The following KLF8 variants were observed in gnomAD, a reference collection of about 807,000 sequenced individuals.
KLF8 encodes the protein KLF transcription factor 8.
KLF8 carries 10 observed loss-of-function variants against 18.2 expected under a neutral mutation model. The ratio of observed to expected loss-of-function variants is 0.55; its 90% confidence interval spans 0.34 to 0.93. KLF8 has a LOEUF of 0.93. Among genes scored for constraint, KLF8 ranks in the 40% least tolerant of loss-of-function variants. The pLI is 0.02. For missense variants in KLF8, 264 were observed against 277.9 expected, an observed-to-expected ratio of 0.95 and a Z score of 0.36; for synonymous variants, 109 against 97.3, an observed-to-expected ratio of 1.12 and a Z score of -0.71.
chrX:55,954,729 C>A, the KLF8 span, among the ~76,000 whole-genome samples: 1 of 111,721 alleles, frequency 9.0e-6, no homozygotes, highest in Non-Finnish European at 1.9e-5. Context: ...AAAATATTTA[C>A]ATGTGAATGT....
At chrX:55,960,325 T>C in the KLF8 span, among the ~76,000 whole-genome samples, 2 of 111,260 alleles carry the variant, frequency 1.8e-5, no homozygotes, top group African/African-American at 6.5e-5. Context: ...AAAACCAGCC[T>C]GACCAACATG....
rs2067317802 is a variant in KLF8, at chrX:56,291,042, G to A, written c.*6548G>A. On this transcript the variant is annotated 3_prime_UTR_variant, in exon 6 of 6. Coordinates refer to ENST00000468660, the MANE Select transcript of KLF8 (RefSeq NM_007250.5). ...TAAAAGGGGAAGAGAGTTCCTAGTGGTGTCCATCCCTGTTTTTTGACAGGC... is the reference window on the plus strand; with the variant it reads ...TAAAAGGGGAAGAGAGTTCCTAGTGATGTCCATCCCTGTTTTTTGACAGGC... 1.8e-5 allele frequency among the ~76,000 whole-genome samples: 2 copies of A among 111,438 alleles called. No homozygotes were observed. The highest frequency in any genetic ancestry group is 1.9e-4 in the Admixed American group (2 of 10,444).
At chrX:56,258,815 G>A (rs1230004500) in intron 2 of KLF8, among the ~76,000 whole-genome samples, 2 of 111,453 alleles carry the variant, frequency 1.8e-5, no homozygotes, top group Non-Finnish European at 3.8e-5. Context: ...CAGCACACTG[G>A]CCATGTCTCA....
intron 1 of KLF8, among the ~76,000 whole-genome samples, chrX:56,248,547 T>A (rs1397807827): frequency 9.0e-6 from 1 of 111,579 alleles, no homozygotes; most frequent in Non-Finnish European, 1.9e-5. Context: ...CAGATTGGAG[T>A]TGGCTGTCTT....
At chrX:55,946,652 C>G in the KLF8 span, among the ~76,000 whole-genome samples, 1 of 111,382 alleles carries the variant, frequency 9.0e-6, no homozygotes, top group Non-Finnish European at 1.9e-5. Context: ...TGATTAAACT[C>G]AAGAGCTTCT....
chrX:55,972,562 A>G, the KLF8 span, among the ~76,000 whole-genome samples: 1 of 111,432 alleles, frequency 9.0e-6, no homozygotes, highest in South Asian at 3.7e-4. Flanking sequence ...CAGAGGATAA[A>G]TGCTTGAGGT....
chrX:56,028,672 G>T, the KLF8 span, among the ~76,000 whole-genome samples: 2 of 111,404 alleles, frequency 1.8e-5, no homozygotes, highest in African/African-American at 6.6e-5. Flanking sequence ...GATGATGCGG[G>T]AATTTTTGAA....
intron 5 of KLF8, among the ~76,000 whole-genome samples, chrX:56,276,357 G>A (rs1467360325): frequency 9.0e-6 from 1 of 111,597 alleles, no homozygotes; most frequent in African/African-American, 3.3e-5. Context: ...TGTACCTTCA[G>A]ATGATTTCTT....
At chrX:56,195,926 C>A in the KLF8 span, among the ~76,000 whole-genome samples, 2 of 111,783 alleles carry the variant, frequency 1.8e-5, no homozygotes, top group Non-Finnish European at 1.9e-5. Context: ...GGGGCCAACA[C>A]TCAACATTCT....
chrX:56,054,388 G>T, the KLF8 span, among the ~76,000 whole-genome samples: 1 of 111,379 alleles, frequency 9.0e-6, no homozygotes, highest in Admixed American at 9.6e-5. Context: ...TCATATAATT[G>T]TATGGTTTTG....
the KLF8 span, among the ~76,000 whole-genome samples, chrX:56,153,223 T>C: frequency 9.0e-6 from 1 of 110,873 alleles, no homozygotes. Context: ...TACCTGGGCA[T>C]GGAGGTGCAT....
At chrX:55,933,173 C>T in the KLF8 span, among the ~76,000 whole-genome samples, 5 of 111,478 alleles carry the variant, frequency 4.5e-5, no homozygotes, top group African/African-American at 1.6e-4. Flanking sequence ...GCTTTTCATA[C>T]TTTAATGTAC....
chrX:56,017,742 TAAA>T, the KLF8 span, among the ~76,000 whole-genome samples: 1 of 111,727 alleles, frequency 9.0e-6, no homozygotes, highest in East Asian at 2.8e-4. Context: ...TAGTTAAAGA[TAAA>T]AGAAGGATTT....
At chrX:56,248,005 CAT>C (rs1273917792) in intron 1 of KLF8, among the ~76,000 whole-genome samples, 5 of 111,291 alleles carry the variant, frequency 4.5e-5, no homozygotes, top group Non-Finnish European at 9.4e-5. Context: ...ACCACAAATA[CAT>C]GAGTAATGCT....
chrX:56,169,897 G>A, the KLF8 span, among the ~76,000 whole-genome samples: 1 of 111,369 alleles, frequency 9.0e-6, no homozygotes, highest in South Asian at 3.8e-4. Context: ...ACCCAGTGTT[G>A]TACTGACTTA....
chrX:55,941,607 T>C, the KLF8 span, among the ~76,000 whole-genome samples: 1 of 111,373 alleles, frequency 9.0e-6, no homozygotes, highest in Non-Finnish European at 1.9e-5. Flanking sequence ...GAGAAAACTT[T>C]CACAACCTAC....
chrX:56,280,892 T>C (rs2067192235), intron 5 of KLF8, among the ~76,000 whole-genome samples: 2 of 112,292 alleles, frequency 1.8e-5, no homozygotes, highest in Admixed American at 9.4e-5. Context: ...AATTTGAGCT[T>C]TATATGCCAG....
chrX:55,962,058 C>T, the KLF8 span: 1 of 154,266 alleles, frequency 6.5e-6, no homozygotes, highest in African/African-American at 3.2e-5. Context: ...TGTGTGGGAG[C>T]CTTCACTGTG....
the KLF8 span, among the ~76,000 whole-genome samples, chrX:55,946,795 AAAC>A: frequency 3.7e-5 from 4 of 109,514 alleles, no homozygotes; most frequent in Non-Finnish European, 7.7e-5. Context: ...TACAAGAAAA[AAAC>A]AAACAACCCC....
Sources: gnomAD v4.1 joint callset for allele counts (sites outside exome capture counted in the v4.1 genomes callset) on GRCh38, gnomAD v4.1.1 for gene constraint, MANE v1.5 for transcripts, NCBI Gene and HGNC (gene_info 2026-07-23, HGNC 2026-07-21) for gene names.